The following NCOR1 variants were observed in gnomAD, a reference collection of about 807,000 sequenced individuals.
The protein encoded by NCOR1 is nuclear receptor corepressor 1, also known as protein phosphatase 1, regulatory subunit 109.
A neutral mutation model predicts 288.1 loss-of-function variants in NCOR1; 63 were observed. The observed-to-expected ratio is 0.22, with a 90% CI of 0.18 to 0.27. The LOEUF (loss-of-function observed/expected upper bound fraction) is 0.27, where lower values mean the gene tolerates loss of function less well. Among genes scored for constraint, NCOR1 ranks in the 10% least tolerant of loss-of-function variants. NCOR1 has a pLI of 1.00. For synonymous variants in NCOR1, 1,007 were observed against 1,065.9 expected (o/e 0.94, Z 1.08); for missense variants, 2,397 against 3,019.2 (o/e 0.79, Z 4.83).
chr17:16,095,097 C>T (rs1233484793), intron 21 of NCOR1, among the ~76,000 whole-genome samples: 6 of 150,740 alleles, frequency 4.0e-5, no homozygotes, highest in Admixed American at 6.6e-5. Flanking sequence ...TCTGCCCGGC[C>T]GCCATCCCAC....
intron 15 of NCOR1, 24 bp from the exon 16 acceptor site, chr17:16,121,293 C>A: frequency 6.3e-7 from 1 of 1,597,476 alleles, no homozygotes; most frequent in Non-Finnish European, 8.6e-7. Context: ...CAAATGAAAA[C>A]TTGTGTGATT....
chr17:16,064,316 T>C, intron 34 of NCOR1, 129 bp from the exon 35 acceptor site: 1 of 1,269,534 alleles, frequency 7.9e-7, no homozygotes, highest in Non-Finnish European at 1.1e-6. Context: ...GAAGTTTGTT[T>C]TGGCTGGGTG....
chr17:16,117,139 T>C (rs1038164829), intron 18 of NCOR1, among the ~76,000 whole-genome samples: 6 of 152,346 alleles, frequency 3.9e-5, no homozygotes, highest in Non-Finnish European at 7.3e-5. Flanking sequence ...ATTTATACCA[T>C]GGAATCTTCT....
At chr17:16,200,402 C>A (rs1200632725) in intron 1 of NCOR1, among the ~76,000 whole-genome samples, 1 of 138,168 alleles carries the variant, frequency 7.2e-6, no homozygotes, top group Non-Finnish European at 1.5e-5. Flanking sequence ...GAGGCTGAGG[C>A]AGGGGAATCG....
intron 18 of NCOR1, among the ~76,000 whole-genome samples, chr17:16,111,345 T>A (rs1436757724): frequency 6.6e-6 from 1 of 152,166 alleles, no homozygotes; most frequent in African/African-American, 2.4e-5. Context: ...CTCAGACCTG[T>A]AATCCCAGCA....
At chr17:16,100,281 T>G (rs2067375873) in intron 20 of NCOR1, among the ~76,000 whole-genome samples, 1 of 152,222 alleles carries the variant, frequency 6.6e-6, no homozygotes, top group Admixed American at 6.5e-5. Context: ...TTTACTGTAA[T>G]TTTTACAAAA....
chr17:16,123,225 AG>A (rs2153168812), intron 15 of NCOR1, among the ~76,000 whole-genome samples: 1 of 152,154 alleles, frequency 6.6e-6, no homozygotes, highest in East Asian at 1.9e-4. Context: ...ATCATCATTC[AG>A]GTTTACAGAT....
intron 21 of NCOR1, among the ~76,000 whole-genome samples, chr17:16,096,763 T>G (rs1222770636): frequency 6.6e-6 from 1 of 152,202 alleles, no homozygotes; most frequent in Non-Finnish European, 1.5e-5. Flanking sequence ...CTCTCCCATA[T>G]GTCTTAGCAC....
At chr17:16,190,017 GC>G (rs1165809350) in intron 2 of NCOR1, among the ~76,000 whole-genome samples, 2 of 152,172 alleles carry the variant, frequency 1.3e-5, no homozygotes, top group African/African-American at 4.8e-5. Flanking sequence ...ACAGCTTGAG[GC>G]CAGGGTTTTG....
chr17:16,153,276 C>G (rs2153388847), intron 7 of NCOR1, 63 bp downstream of exon 7: 2 of 1,195,378 alleles, frequency 1.7e-6, no homozygotes, highest in Non-Finnish European at 1.2e-6. Flanking sequence ...CCATCTTATC[C>G]CAAGAAAAAC....
At chr17:16,121,377 A>C in intron 15 of NCOR1, 108 bp from the exon 16 acceptor site, 1 of 888,200 alleles carries the variant, frequency 1.1e-6, no homozygotes. Context: ...AAACTACCTA[A>C]TCTCTCACTC....
At chr17:16,205,266 T>G (rs1203666445) in intron 1 of NCOR1, among the ~76,000 whole-genome samples, 1 of 151,640 alleles carries the variant, frequency 6.6e-6, no homozygotes, top group East Asian at 1.9e-4. Flanking sequence ...AGAGAACTTT[T>G]TAACCTGTTA....
chr17:16,151,816 C>T (rs865859080), intron 8 of NCOR1, 130 bp downstream of exon 8: 40 of 959,152 alleles, frequency 4.2e-5, no homozygotes, highest in African/African-American at 8.4e-5. Context: ...TATAATAAAA[C>T]GACAGCAAAT....
chr17:16,198,357 CA>C (rs55993030), intron 1 of NCOR1: 10,747 of 79,804 alleles, frequency 0.13, 848 homozygotes, highest in African/African-American at 0.39. Flanking sequence ...GACTCCGTCT[CA>C]AAAAAAAAAA....
chr17:16,051,695 G>A (rs8065190), intron 40 of NCOR1, among the ~76,000 whole-genome samples: 11 of 151,912 alleles, frequency 7.2e-5, no homozygotes, highest in Middle Eastern at 3.4e-3. Context: ...GCGGATCACC[G>A]GAGGTCGGGA....
intron 11 of NCOR1, among the ~76,000 whole-genome samples, chr17:16,141,535 A>G (rs1702841260): frequency 1.3e-5 from 2 of 152,330 alleles, no homozygotes; most frequent in South Asian, 4.1e-4. Flanking sequence ...CTTTTATAAG[A>G]GCATACTATA....
intron 4 of NCOR1, 29 bp from the exon 5 acceptor site, chr17:16,165,190 T>C (rs748595798): frequency 1.3e-6 from 2 of 1,563,068 alleles, no homozygotes; most frequent in Non-Finnish European, 8.6e-7. Context: ...AGAAAAACAA[T>C]TTATTTCTCA....
intron 5 of NCOR1, among the ~76,000 whole-genome samples, chr17:16,162,561 T>C (rs767110029): frequency 1.8e-4 from 27 of 151,138 alleles, no homozygotes; most frequent in Non-Finnish European, 3.4e-4. Context: ...ATTCACACTA[T>C]CCATGAAAGA....
chr17:16,215,132 C>T (rs1169856631), intron 1 of NCOR1, among the ~76,000 whole-genome samples: 2 of 152,222 alleles, frequency 1.3e-5, no homozygotes, highest in East Asian at 1.9e-4. Flanking sequence ...CCTCCAAACT[C>T]CATAAGCCTC....
Sources: allele counts gnomAD v4.1 joint callset (sites outside exome capture counted in the v4.1 genomes callset), GRCh38; gene constraint gnomAD v4.1.1; transcripts MANE v1.5; gene names NCBI Gene and HGNC (gene_info 2026-07-23, HGNC 2026-07-21).